Variants in ATP11C observed in about 807,000 individuals in gnomAD.
ATP11C encodes phospholipid-transporting ATPase IG.
A neutral mutation model predicts 97.4 loss-of-function variants in ATP11C; 36 were observed. That is an observed-to-expected ratio of 0.37 (90% CI 0.28 to 0.49). ATP11C has a LOEUF of 0.49. Among genes scored for constraint, ATP11C ranks in the 20% least tolerant of loss-of-function variants. The pLI is 0.98. For synonymous variants in ATP11C, 275 were observed against 290.9 expected, an observed-to-expected ratio of 0.95 and a Z score of 0.56; for missense variants, 730 against 824.6, an observed-to-expected ratio of 0.89 and a Z score of 1.40.
At chrX:139,905,882 T>C (rs991367977) in intron 1 of ATP11C, among the ~76,000 whole-genome samples, 4 of 111,789 alleles carry the variant, frequency 3.6e-5, no homozygotes, top group Non-Finnish European at 7.5e-5. Flanking sequence ...CACTCTTTCA[T>C]GTCACCACAT....
chrX:139,735,048 C>T (rs1285869621), intron 28 of ATP11C, among the ~76,000 whole-genome samples: 2 of 111,351 alleles, frequency 1.8e-5, no homozygotes, highest in Admixed American at 9.5e-5. Context: ...TACCTGCTTA[C>T]AGAAGTATTC....
chrX:139,824,606 G>GA (rs1274094373), intron 2 of ATP11C, among the ~76,000 whole-genome samples: 1 of 111,245 alleles, frequency 9.0e-6, no homozygotes, highest in Non-Finnish European at 1.9e-5. Context: ...AGAATGGCGT[G>GA]AACCCAGGAG....
At position 139,768,306 on chromosome X, in the gene ATP11C, C is replaced by G; in HGVS notation, c.2345G>C (p.Cys782Ser). 1.7e-6 allele frequency: 2 copies of G among 1,179,327 alleles called. No homozygotes were observed. Among genetic ancestry groups the G allele is most frequent in the Non-Finnish European group, 1.1e-6 (1 of 878,123 alleles). ...KSIFLQICMK[C>S]TAVLCCRMAP... ...CATCCGACAGCAGAGCACTGCAGTACACTTCATACATATTTGTAGGAAAAT... is the reference window on the plus strand; with the variant it reads ...CATCCGACAGCAGAGCACTGCAGTAGACTTCATACATATTTGTAGGAAAAT... Residue 782 changes from cysteine (C) to serine (S), a missense_variant, in exon 20 of 30, where the codon TGT becomes TCT. Physicochemically the swap from Cys to Ser is moderately radical, Grantham distance 112 (BLOSUM62 -1). Coordinates refer to ENST00000682941, the MANE Select transcript of ATP11C (RefSeq NM_001353812.2).
At chrX:139,760,492 G>A (rs2082016480) in intron 22 of ATP11C, among the ~76,000 whole-genome samples, 1 of 111,817 alleles carries the variant, frequency 8.9e-6, no homozygotes, top group East Asian at 2.8e-4. Flanking sequence ...ATCAGGTGCT[G>A]AGCTTTAACT....
chrX:139,910,609 A>T (rs2085058551), intron 1 of ATP11C, among the ~76,000 whole-genome samples: 5 of 109,668 alleles, frequency 4.6e-5, no homozygotes, highest in Admixed American at 2.0e-4. Flanking sequence ...CTGTCTCAAA[A>T]AAAAAAAAAG....
At chrX:139,851,237 C>T (rs1185495433) in intron 1 of ATP11C, among the ~76,000 whole-genome samples, 2 of 112,127 alleles carry the variant, frequency 1.8e-5, no homozygotes, top group African/African-American at 6.5e-5. Context: ...CCCAGCACTC[C>T]ATGGCCACCC....
At chrX:139,901,536 C>CT (rs1255109609) in intron 1 of ATP11C, among the ~76,000 whole-genome samples, 1 of 111,732 alleles carries the variant, frequency 8.9e-6, no homozygotes, top group Non-Finnish European at 1.9e-5. Context: ...GCAACTGAGA[C>CT]TAATGCTGGT....
At chrX:139,838,176 A>T (rs963094594) in intron 1 of ATP11C, among the ~76,000 whole-genome samples, 1 of 111,920 alleles carries the variant, frequency 8.9e-6, no homozygotes, top group Admixed American at 9.5e-5. Context: ...TAAGAGAAAA[A>T]CTGGGGTTCT....
chrX:139,844,141 C>T (rs969174128), intron 1 of ATP11C, among the ~76,000 whole-genome samples: 2 of 111,752 alleles, frequency 1.8e-5, no homozygotes, highest in Non-Finnish European at 1.9e-5. Context: ...AACTATGCCA[C>T]GCTAACTAGA....
intron 19 of ATP11C, among the ~76,000 whole-genome samples, chrX:139,770,231 T>C (rs1256324048): frequency 1.8e-5 from 2 of 111,985 alleles, no homozygotes; most frequent in East Asian, 2.8e-4. Flanking sequence ...TCTCCTTAGA[T>C]TGATAGAAGC....
intron 15 of ATP11C, among the ~76,000 whole-genome samples, chrX:139,786,089 T>G (rs2082567514): frequency 9.0e-6 from 1 of 111,248 alleles, no homozygotes; most frequent in Admixed American, 9.6e-5. Context: ...GATTGTATTG[T>G]AAGAGCAAAA....
At chrX:139,915,312 C>T (rs919887039) in intron 1 of ATP11C, among the ~76,000 whole-genome samples, 1 of 111,666 alleles carries the variant, frequency 9.0e-6, no homozygotes, top group Admixed American at 9.6e-5. Flanking sequence ...CTCGATAAAG[C>T]TGTTTAAAAA....
At chrX:139,735,889 G>C (rs2081432809) in intron 28 of ATP11C, among the ~76,000 whole-genome samples, 1 of 111,673 alleles carries the variant, frequency 9.0e-6, no homozygotes, top group Non-Finnish European at 1.9e-5. Context: ...GATGTAAAGA[G>C]AGATGTTCAT....
At chrX:139,785,983 C>A (rs2082564359) in intron 15 of ATP11C, among the ~76,000 whole-genome samples, 1 of 110,684 alleles carries the variant, frequency 9.0e-6, no homozygotes, top group Non-Finnish European at 1.9e-5. Context: ...TCACCAATGC[C>A]CAAAAAACTC....
At chrX:139,907,518 C>G (rs761535691) in intron 1 of ATP11C, among the ~76,000 whole-genome samples, 177 of 110,676 alleles carry the variant, frequency 1.6e-3, no homozygotes, top group South Asian at 8.9e-3. Context: ...GGAGGCTGAG[C>G]GGGGCACATC....
intron 1 of ATP11C, among the ~76,000 whole-genome samples, chrX:139,897,248 G>A (rs767151670): frequency 1.9e-4 from 21 of 110,855 alleles, no homozygotes; most frequent in Non-Finnish European, 3.6e-4. Flanking sequence ...AACTGGGTAT[G>A]GGGCATATAC....
intron 1 of ATP11C, among the ~76,000 whole-genome samples, chrX:139,903,722 G>A (rs2084933255): frequency 9.0e-6 from 1 of 110,521 alleles, no homozygotes; most frequent in Admixed American, 9.8e-5. Flanking sequence ...GCCCTCACCA[G>A]ACATCCTATC....
chrX:139,774,677 T>C lies in ATP11C; in HGVS notation c.2216+13A>G. 8.4e-7 allele frequency: 1 copy of C among 1,188,918 alleles called. No homozygotes were observed. ...CCAATGTCTAAATATAAGAAACTGATGTACTTTCTTACTTTTTAAAGCTTC... is the reference window on the plus strand; with the variant it reads ...CCAATGTCTAAATATAAGAAACTGACGTACTTTCTTACTTTTTAAAGCTTC... On this transcript the variant is annotated intron_variant, in intron 19 of 29. Transcript: ENST00000682941.
At chrX:139,841,466 T>C in intron 1 of ATP11C, among the ~76,000 whole-genome samples, 1 of 112,731 alleles carries the variant, frequency 8.9e-6, no homozygotes, top group Non-Finnish European at 1.9e-5. Context: ...AACTGCAGGT[T>C]GAAATGATTG....
Sources: gnomAD v4.1 joint callset for allele counts (sites outside exome capture counted in the v4.1 genomes callset) on GRCh38, gnomAD v4.1.1 for gene constraint, MANE v1.5 for transcripts, NCBI Gene and HGNC (gene_info 2026-07-23, HGNC 2026-07-21) for gene names.